Variants in PPP1R9A observed in about 807,000 individuals in gnomAD.
PPP1R9A encodes protein phosphatase 1 regulatory subunit 9A.
A neutral mutation model predicts 141.9 loss-of-function variants in PPP1R9A; 59 were observed. The observed-to-expected ratio is 0.42, with a 90% confidence interval of 0.34 to 0.52. The LOEUF is 0.52. PPP1R9A is among the 20% of genes least tolerant of loss of function. The pLI, the probability that PPP1R9A is intolerant of heterozygous loss-of-function variation, is 0.10. For missense variants in PPP1R9A, 1,444 were observed against 1,611.9 expected (o/e 0.90, Z 1.78); for synonymous variants, 500 against 569.7 (o/e 0.88, Z 1.74).
intron 2 of PPP1R9A, among the ~76,000 whole-genome samples, chr7:94,995,780 A>G (rs774403014): frequency 2.0e-5 from 3 of 152,024 alleles, no homozygotes; most frequent in African/African-American, 7.2e-5. Context: ...ATTGATTTCA[A>G]TGAATTGATT....
At chr7:95,186,328 G>T (rs1283249485) in intron 5 of PPP1R9A, among the ~76,000 whole-genome samples, 2 of 152,068 alleles carry the variant, frequency 1.3e-5, no homozygotes, top group Non-Finnish European at 2.9e-5. Flanking sequence ...GTCGATATTG[G>T]TGTACAGCAG....
chr7:95,160,973 G>A (rs1225211780), intron 4 of PPP1R9A, among the ~76,000 whole-genome samples: 1 of 152,164 alleles, frequency 6.6e-6, no homozygotes, highest in Admixed American at 6.5e-5. Flanking sequence ...TGTGAACAGT[G>A]CTGCAGTGAA....
chr7:95,142,954 G>T (rs1036212627), intron 4 of PPP1R9A, among the ~76,000 whole-genome samples: 2 of 151,896 alleles, frequency 1.3e-5, no homozygotes, highest in Non-Finnish European at 2.9e-5. Context: ...TTAATATTAT[G>T]TTATTATTTC....
chr7:94,909,096 C>T (rs1791160021), intron 1 of PPP1R9A, among the ~76,000 whole-genome samples: 1 of 152,114 alleles, frequency 6.6e-6, no homozygotes. Flanking sequence ...CATTGCGTTG[C>T]GTGTTGAACT....
Position 94,910,389 on chromosome 7 carries a change from A to G in PPP1R9A, c.276A>G (p.Gly92=), listed in dbSNP as rs1791318440. Residue 92 remains glycine, a synonymous_variant, in exon 2 of 20, where the codon GGA becomes GGG. Transcript: ENST00000433360. This position sits in a 1 kb window ranked among gnomAD's most constrained non-coding sequence, Gnocchi z 4.5. ...AVIAKTRGKG[G]HSSPQRRMKP... is the part of the protein sequence containing the mutation. ...TTGCCAAAACAAGGGGGAAAGGTGG[A>G]CATTCATCTCCTCAGAGAAGAATGA... is the stretch of plus-strand genomic sequence containing the variant. 2 of 1,614,184 alleles carry G rather than the reference A, an allele frequency of 1.2e-6. No homozygotes were observed. The highest frequency in any genetic ancestry group is 1.7e-6 in the Non-Finnish European group (2 of 1,180,032).
intron 2 of PPP1R9A, among the ~76,000 whole-genome samples, chr7:95,081,499 G>T: frequency 6.6e-6 from 1 of 151,920 alleles, no homozygotes; most frequent in Non-Finnish European, 1.5e-5. Context: ...AAAATGTACT[G>T]GATGGAATTA....
intron 5 of PPP1R9A, among the ~76,000 whole-genome samples, chr7:95,188,514 T>G (rs564700185): frequency 7.2e-4 from 109 of 152,252 alleles, no homozygotes; most frequent in African/African-American, 2.5e-3. Flanking sequence ...AGGTACTATT[T>G]TATTCATCAC....
At chr7:95,235,012 A>C (rs1039387184) in intron 8 of PPP1R9A, among the ~76,000 whole-genome samples, 1 of 152,176 alleles carries the variant, frequency 6.6e-6, no homozygotes, top group Non-Finnish European at 1.5e-5. Flanking sequence ...TACAAAAATC[A>C]ACTCAAGATG....
rs530882301 is a variant in PPP1R9A, at chr7:95,290,412, G to A, written c.*109G>A. On this transcript the variant is annotated 3_prime_UTR_variant, in exon 20 of 20. Coordinates refer to ENST00000433360, the MANE Select transcript of PPP1R9A (RefSeq NM_001166160.2). ...AGAAACTAAATGATAAGGGTAATGC[G>A]GCTCTAGGCCGGCTGAGGAACTGTG... 40 of 1,248,714 alleles carry A rather than the reference G, an allele frequency of 3.2e-5. No homozygotes were observed. The highest frequency in any genetic ancestry group is 2.3e-4 in the East Asian group (9 of 39,154). The allele number at this position is 1,248,714 out of a possible 1,614,324, so 77.4% of individuals were successfully genotyped here.
At chr7:95,105,398 G>C (rs1439392425) in intron 2 of PPP1R9A, among the ~76,000 whole-genome samples, 1 of 152,208 alleles carries the variant, frequency 6.6e-6, no homozygotes, top group Admixed American at 6.5e-5. Context: ...ACCCCTGAAA[G>C]CCTGTCTCTG....
chr7:95,124,557 T>C (rs1158079070), intron 4 of PPP1R9A, among the ~76,000 whole-genome samples: 2 of 152,164 alleles, frequency 1.3e-5, no homozygotes, highest in Non-Finnish European at 2.9e-5. Flanking sequence ...CTAAAAATGA[T>C]AAGATTTTCA....
intron 12 of PPP1R9A, among the ~76,000 whole-genome samples, chr7:95,259,105 A>G (rs574926186): frequency 3.3e-5 from 5 of 152,322 alleles, no homozygotes; most frequent in African/African-American, 4.8e-5. Context: ...AGAATATTAT[A>G]TACAATTCAC....
chr7:95,158,893 A>G lies in PPP1R9A; in HGVS notation c.1650-2974A>G, dbSNP rs777838175. Among the ~76,000 whole-genome samples, 133 of 152,218 alleles carry G rather than the reference A, an allele frequency of 8.7e-4. 1 individual carries two copies. Among genetic ancestry groups the G allele is most frequent in the Non-Finnish European group, 1.6e-3 (106 of 68,042 alleles). ...GAAATGCAATTGAAATCACATTGTA[A>G]TATCTTTTTACAGCTGTATGATTGG... On this transcript the variant is annotated intron_variant, in intron 4 of 19. Transcript: ENST00000433360.
chr7:95,076,489 C>T (rs1209604391), intron 2 of PPP1R9A, among the ~76,000 whole-genome samples: 1 of 152,050 alleles, frequency 6.6e-6, no homozygotes, highest in Non-Finnish European at 1.5e-5. Flanking sequence ...TCTTTCTGGA[C>T]TCTCTGTTTC....
intron 2 of PPP1R9A, among the ~76,000 whole-genome samples, chr7:94,938,347 G>A (rs1794986555): frequency 6.6e-6 from 1 of 152,088 alleles, no homozygotes; most frequent in Admixed American, 6.6e-5. Context: ...CAAAAAGGTT[G>A]GGGAGTGCTG....
intron 2 of PPP1R9A, among the ~76,000 whole-genome samples, chr7:95,076,504 A>G (rs944825829): frequency 2.6e-5 from 4 of 152,110 alleles, no homozygotes; most frequent in African/African-American, 9.7e-5. Flanking sequence ...TGTTTCATCA[A>G]TCTGTCTACT....
At chr7:95,012,313 G>A (rs1804537940) in intron 2 of PPP1R9A, among the ~76,000 whole-genome samples, 1 of 152,056 alleles carries the variant, frequency 6.6e-6, no homozygotes. Context: ...GGAACAGGGA[G>A]GGGAGGTGCT....
chr7:95,256,704 T>C (rs753145710), intron 12 of PPP1R9A, among the ~76,000 whole-genome samples: 1 of 152,142 alleles, frequency 6.6e-6, no homozygotes, highest in Non-Finnish European at 1.5e-5. Context: ...CATTATTCAC[T>C]CATAATAAAA....
At chr7:95,156,186 A>G (rs1289485238) in intron 4 of PPP1R9A, 1 of 152,538 alleles carries the variant, frequency 6.6e-6, no homozygotes, top group Non-Finnish European at 1.5e-5. Context: ...GGCTGCTGCA[A>G]TGGGGCGGGC....
Sources: gnomAD v4.1 joint callset for allele counts (sites outside exome capture counted in the v4.1 genomes callset) on GRCh38, gnomAD v4.1.1 for gene constraint, Gnocchi (gnomAD v3.1) non-coding constraint, MANE v1.5 for transcripts, NCBI Gene and HGNC (gene_info 2026-07-23, HGNC 2026-07-21) for gene names.